MALRD1: variants seen among roughly 807,000 people sequenced by gnomAD.
MALRD1 encodes MAM and LDL-receptor class A domain-containing protein 1.
In MALRD1, 247 loss-of-function variants were observed where a neutral mutation model predicts 242.1. That is an observed-to-expected ratio of 1.02 (90% CI 0.92 to 1.13). MALRD1 has a LOEUF of 1.13. Among genes scored for constraint, MALRD1 ranks in the 50% most tolerant of loss-of-function variants. MALRD1 has a pLI of 0.00. For missense variants in MALRD1, 2,989 were observed against 2,533.1 expected, an observed-to-expected ratio of 1.18 and a Z score of -3.86; for synonymous variants, 995 against 866.6, an observed-to-expected ratio of 1.15 and a Z score of -2.60.
At chr10:19,393,745 G>A (rs576197956) in intron 28 of MALRD1, among the ~76,000 whole-genome samples, 19 of 151,762 alleles carry the variant, frequency 1.3e-4, no homozygotes, top group South Asian at 6.3e-4. Context: ...GTGAGCCACC[G>A]CGCCCGGCCC....
intron 1 of MALRD1, among the ~76,000 whole-genome samples, chr10:19,065,783 A>C (rs1284645937): frequency 6.6e-6 from 1 of 152,148 alleles, no homozygotes; most frequent in Non-Finnish European, 1.5e-5. Flanking sequence ...AAATGTCTTT[A>C]TTGTGATTGA....
intron 26 of MALRD1, among the ~76,000 whole-genome samples, chr10:19,383,848 A>G (rs996060827): frequency 2.0e-5 from 3 of 151,894 alleles, no homozygotes; most frequent in East Asian, 1.9e-4. Flanking sequence ...GAAATAGTAC[A>G]TTCTCCAGGA....
chr10:19,563,129 A>G (rs555489752), intron 32 of MALRD1, among the ~76,000 whole-genome samples: 5 of 151,976 alleles, frequency 3.3e-5, no homozygotes, highest in Non-Finnish European at 7.4e-5. Context: ...GGATTGTTTG[A>G]TCTCTCTATA....
intron 29 of MALRD1, among the ~76,000 whole-genome samples, chr10:19,479,275 C>T (rs7916522): frequency 0.31 from 47,724 of 151,954 alleles, 8,086 homozygotes; most frequent in East Asian, 0.43. Context: ...ATTTCAATAT[C>T]GTGTGCTATA....
At chr10:19,640,384 C>T (rs1288879755) in intron 36 of MALRD1, among the ~76,000 whole-genome samples, 3 of 152,082 alleles carry the variant, frequency 2.0e-5, no homozygotes, top group African/African-American at 4.8e-5. Context: ...CCACCGCACC[C>T]GGACTTCATT....
chr10:19,298,036 G>T (rs1280830456), intron 21 of MALRD1, among the ~76,000 whole-genome samples: 1 of 152,002 alleles, frequency 6.6e-6, no homozygotes, highest in Non-Finnish European at 1.5e-5. Flanking sequence ...ACCTGAGACT[G>T]AATAATATAT....
intron 2 of MALRD1, among the ~76,000 whole-genome samples, chr10:19,075,994 G>T (rs552690264): frequency 6.6e-6 from 1 of 152,078 alleles, no homozygotes; most frequent in African/African-American, 2.4e-5. Context: ...TCTAAAAGTC[G>T]TCTGGAGACC....
intron 36 of MALRD1, among the ~76,000 whole-genome samples, chr10:19,676,505 G>C (rs761227383): frequency 1.3e-5 from 2 of 152,096 alleles, no homozygotes; most frequent in African/African-American, 2.4e-5. Context: ...CTGATGCCTG[G>C]AATGACATGA....
intron 32 of MALRD1, among the ~76,000 whole-genome samples, chr10:19,562,633 C>T (rs1051325675): frequency 6.6e-6 from 1 of 152,062 alleles, no homozygotes; most frequent in Non-Finnish European, 1.5e-5. Flanking sequence ...GCAGTTTGTC[C>T]TATGACCTCA....
chr10:19,108,608 G>A lies in MALRD1; in HGVS notation c.694+4533G>A, dbSNP rs1338339003. The stretch of plus-strand genomic sequence containing the variant: ...TTTTTGTATTTTTTTTAGTAGAGAC[G>A]GGGTTTCACCTTGTTAGCCAGGATG... On this transcript the variant is annotated intron_variant, in intron 5 of 39. Coordinates refer to ENST00000454679, the MANE Select transcript of MALRD1 (RefSeq NM_001142308.3). 1.5e-4 allele frequency among the ~76,000 whole-genome samples: 7 copies of A among 47,320 alleles called. 1 individual carries two copies. The highest frequency in any genetic ancestry group is 2.1e-4 in the Non-Finnish European group (6 of 28,188). The allele number at this position is 47,320 out of a possible 152,430, so 31.0% of individuals were successfully genotyped here.
In MALRD1 at chr10:19,605,164, T is replaced by C. The variant is rs1485324015; in HGVS notation, c.5945-2613T>C. Among the ~76,000 whole-genome samples the C allele has an allele frequency of 1.4e-3, 34 of 24,388 alleles. No homozygotes were observed. In the East Asian group the frequency reaches 0.026, roughly 18 times the overall value. The allele number at this position is 24,388 out of a possible 152,430, so 16.0% of individuals were successfully genotyped here. A position where few individuals can be genotyped will look rare whatever the true frequency, so the allele number is the denominator to read the frequency against. On this transcript the variant is annotated intron_variant, in intron 34 of 39. Transcript: ENST00000454679. ...AGATTTATTTATTTTTTTATTATTA[T>C]TTTTTTTTTTTTACAGAATCTTGCT...
chr10:19,604,856 T>A (rs1461663037), intron 34 of MALRD1, among the ~76,000 whole-genome samples: 1 of 152,202 alleles, frequency 6.6e-6, no homozygotes, highest in African/African-American at 2.4e-5. Context: ...TTTATGTGAC[T>A]TGCATTAATG....
chr10:19,315,661 A>C (rs1221519397), intron 21 of MALRD1, among the ~76,000 whole-genome samples: 1 of 130,268 alleles, frequency 7.7e-6, no homozygotes, highest in Admixed American at 8.4e-5. Flanking sequence ...AATATTATTT[A>C]TATGACTATA....
At chr10:19,136,911 G>A (rs915724927) in intron 10 of MALRD1, 130 bp downstream of exon 10, 10 of 547,384 alleles carry the variant, frequency 1.8e-5, no homozygotes, top group East Asian at 7.0e-5. Flanking sequence ...ATGCATTATC[G>A]CTCTGAAACT....
chr10:19,545,603 C>T lies in MALRD1; in HGVS notation c.5478+14252C>T, dbSNP rs147108011. On this transcript the variant is annotated intron_variant, in intron 32 of 39. Coordinates refer to ENST00000454679, the MANE Select transcript of MALRD1 (RefSeq NM_001142308.3). Reference sequence around the variant, plus strand: ...GACTTTTACACTACCTACTTTTCCCCGTATGTGAATAAAATGTTCTTTTTA... The same window carrying T: ...GACTTTTACACTACCTACTTTTCCCTGTATGTGAATAAAATGTTCTTTTTA... Among the ~76,000 whole-genome samples, 282 of 152,012 alleles carry T rather than the reference C, an allele frequency of 1.9e-3. 4 individuals are homozygous for T. Among genetic ancestry groups the T allele is most frequent in the African/African-American group, 6.4e-3 (264 of 41,490 alleles).
chr10:19,601,466 T>G (rs1247993187), intron 34 of MALRD1, among the ~76,000 whole-genome samples: 2 of 151,910 alleles, frequency 1.3e-5, no homozygotes, highest in African/African-American at 4.8e-5. Flanking sequence ...TACCTACTCT[T>G]AAAAGAAAAT....
chr10:19,581,085 A>G (rs1332622315), intron 33 of MALRD1, among the ~76,000 whole-genome samples: 2 of 152,180 alleles, frequency 1.3e-5, no homozygotes, highest in African/African-American at 4.8e-5. Context: ...TGTATACTTT[A>G]TGAAGGGCTC....
intron 24 of MALRD1, among the ~76,000 whole-genome samples, chr10:19,334,109 CTG>C (rs1381298213): frequency 2.8e-5 from 3 of 107,492 alleles, no homozygotes; most frequent in Non-Finnish European, 5.7e-5. Flanking sequence ...TCTGTTTACT[CTG>C]TTGGTAGGTT....
chr10:19,176,863 T>C (rs935445570), intron 14 of MALRD1, among the ~76,000 whole-genome samples: 3 of 134,264 alleles, frequency 2.2e-5, no homozygotes, highest in African/African-American at 7.9e-5. Context: ...TGTGCGTGCA[T>C]GTGTGCATGT....
Sources: allele counts gnomAD v4.1 joint callset (sites outside exome capture counted in the v4.1 genomes callset), GRCh38; gene constraint gnomAD v4.1.1; transcripts MANE v1.5; gene names NCBI Gene and HGNC (gene_info 2026-07-23, HGNC 2026-07-21).